GC: variants seen among roughly 807,000 people sequenced by gnomAD.
The protein encoded by GC is GC vitamin D binding protein, also known as vitamin D-binding protein.
Under a neutral mutation model 56.7 loss-of-function variants are expected in GC, and 43 were observed. The observed-to-expected ratio is 0.76, with a 90% confidence interval of 0.59 to 0.98. GC has a LOEUF of 0.98. GC is among the 50% of genes least tolerant of loss of function. The pLI, the probability that GC is intolerant of heterozygous loss-of-function variation, is 0.00. For missense variants in GC, 529 were observed against 545.9 expected (o/e 0.97, Z 0.31); for synonymous variants, 216 against 202.7 (o/e 1.07, Z -0.56).
chr4:71,765,822 T>G (rs1333525597), intron 3 of GC, among the ~76,000 whole-genome samples, 179 bp from the exon 4 acceptor site: 1 of 152,188 alleles, frequency 6.6e-6, no homozygotes, highest in Admixed American at 6.5e-5. Flanking sequence ...TATCGGCAAG[T>G]ATAGGATCTT....
At chr4:71,758,020 A>T in intron 7 of GC, 22 bp downstream of exon 7, 1 of 1,607,344 alleles carries the variant, frequency 6.2e-7, no homozygotes, top group African/African-American at 1.3e-5. Flanking sequence ...CATGGTGATA[A>T]TGATAATAAA....
At chr4:71,771,403 T>C (rs1312131882) in intron 1 of GC, among the ~76,000 whole-genome samples, 1 of 152,050 alleles carries the variant, frequency 6.6e-6, no homozygotes, top group Non-Finnish European at 1.5e-5. Flanking sequence ...TCAGATTGCC[T>C]GTAGAGGAAG....
intron 1 of GC, among the ~76,000 whole-genome samples, chr4:71,780,039 G>A (rs925935687): frequency 6.6e-6 from 1 of 151,882 alleles, no homozygotes. Flanking sequence ...AACTGCAGTG[G>A]TTTATTTCCT....
At chr4:71,776,866 A>G (rs1178454203) in intron 1 of GC, among the ~76,000 whole-genome samples, 32 of 151,956 alleles carry the variant, frequency 2.1e-4, no homozygotes, top group Admixed American at 2.1e-3. Flanking sequence ...CTTAATGACT[A>G]CTGAAGTTAT....
chr4:71,751,917 A>T (rs1034936059), intron 11 of GC, among the ~76,000 whole-genome samples: 1 of 152,136 alleles, frequency 6.6e-6, no homozygotes, highest in African/African-American at 2.4e-5. Context: ...GTAATGAAAC[A>T]TTTATGTGAC....
rs1338897399 is a variant in GC, at chr4:71,781,487, A to AT, written c.58+2473dup. On this transcript the variant is annotated intron_variant, in intron 1 of 12. Transcript: ENST00000273951. ...AACAGTGTGTAACTTAAAACTGAGA[A>AT]TTTTTTTGCTGTAGTTTAATTTTAA... Among the ~76,000 whole-genome samples, 6 of 151,892 alleles carry AT rather than the reference A, an allele frequency of 4.0e-5. No individual in the cohort carries two copies. The East Asian group carries it at 9.7e-4, about 25-fold the overall frequency.
chr4:71,774,409 G>A lies in GC; in HGVS notation c.59-5009C>T, dbSNP rs1284282877. ...TTGTGACACTTACCAAAGTTCCAGA[G>A]GAAGCATTTTTTCTCCATGCATTTC... is the stretch of plus-strand genomic sequence containing the variant. On this transcript the variant is annotated intron_variant, in intron 1 of 12. Coordinates refer to ENST00000273951, the MANE Select transcript of GC (RefSeq NM_000583.4). Among the ~76,000 whole-genome samples, 7 of 152,060 alleles carry A rather than the reference G, an allele frequency of 4.6e-5. No homozygotes were observed. In the South Asian group the frequency reaches 1.5e-3, roughly 32 times the overall value.
intron 1 of GC, among the ~76,000 whole-genome samples, chr4:71,773,579 C>A (rs138851836): frequency 1.3e-5 from 2 of 151,998 alleles, no homozygotes; most frequent in Non-Finnish European, 2.9e-5. Context: ...TAAGATACTG[C>A]TTTGTTACAA....
In GC at chr4:71,752,625, A is replaced by G. The variant is rs1470266325; in HGVS notation, c.1288T>C (p.Leu430=). The change falls in exon 11 of 13, where the codon TTG becomes CTG. Residue 430 remains leucine (L), a synonymous_variant. Coordinates refer to ENST00000273951, the MANE Select transcript of GC (RefSeq NM_000583.4). Reference sequence around the variant, plus strand: ...AGTTCCGTGGGTGTGGCATCAGGCAATTTTGCTTTTAGTCGCTCTGCCAGT... The same window carrying G: ...AGTTCCGTGGGTGTGGCATCAGGCAGTTTTGCTTTTAGTCGCTCTGCCAGT... ...KKLAERLKAK[L]PDATPTELAK... is the part of the protein sequence containing the mutation. The G allele has an allele frequency of 6.2e-7, 1 of 1,613,254 alleles. No individual in the cohort carries two copies. Among genetic ancestry groups the G allele is most frequent in the Non-Finnish European group, 8.5e-7 (1 of 1,179,494 alleles).
chr4:71,790,819 G>C (rs982506562), intron 1 of GC, among the ~76,000 whole-genome samples: 1 of 151,560 alleles, frequency 6.6e-6, no homozygotes, highest in Non-Finnish European at 1.5e-5. Flanking sequence ...ACAATGTGCA[G>C]GTTAGTTACG....
At chr4:71,780,588 C>G (rs533994020) in intron 1 of GC, among the ~76,000 whole-genome samples, 18 of 152,106 alleles carry the variant, frequency 1.2e-4, no homozygotes, top group African/African-American at 4.3e-4. Flanking sequence ...TGAACAGACA[C>G]TTCTCAAAAG....
rs527492451 is a variant in GC, at chr4:71,768,627, G to A, written c.129-194C>T. ...ACTACAGGTGTGCACCAATACGCCC[G>A]GCTAATTTTTGTATTTTTAGTAGAG... On this transcript the variant is annotated intron_variant, in intron 2 of 12. Transcript: ENST00000273951. Among the ~76,000 whole-genome samples, 35 of 152,118 alleles carry A rather than the reference G, an allele frequency of 2.3e-4. No homozygotes were observed. The East Asian group carries it at 2.9e-3, about 13-fold the overall frequency.
intron 11 of GC, among the ~76,000 whole-genome samples, chr4:71,746,909 G>A (rs1560688561): frequency 6.8e-6 from 1 of 146,482 alleles, no homozygotes. Flanking sequence ...GTGAAGCACT[G>A]TGGGCAGACT....
intron 7 of GC, 100 bp from the exon 8 acceptor site, chr4:71,757,014 A>G: frequency 1.2e-6 from 1 of 804,290 alleles, no homozygotes; most frequent in African/African-American, 1.7e-5. Context: ...CACATTTATG[A>G]AAGTCAGTAT....
intron 1 of GC, among the ~76,000 whole-genome samples, chr4:71,789,735 C>G (rs370641524): frequency 6.6e-6 from 1 of 151,846 alleles, no homozygotes; most frequent in African/African-American, 2.4e-5. Context: ...AATCAGTTTA[C>G]TTTAAAATAC....
At chr4:71,793,580 A>G (rs571267053) in intron 1 of GC, among the ~76,000 whole-genome samples, 4 of 152,332 alleles carry the variant, frequency 2.6e-5, no homozygotes, top group Admixed American at 6.5e-5. Context: ...TTTTCTAAAT[A>G]TACAATCATG....
At chr4:71,765,026 G>T (rs990745106) in intron 4 of GC, among the ~76,000 whole-genome samples, 1 of 152,132 alleles carries the variant, frequency 6.6e-6, no homozygotes, top group Non-Finnish European at 1.5e-5. Flanking sequence ...GAAGAGAGAA[G>T]CTGTTTATTT....
chr4:71,758,272 T>C, intron 6 of GC, 101 bp from the exon 7 acceptor site: 1 of 1,043,354 alleles, frequency 9.6e-7, no homozygotes, highest in Non-Finnish European at 1.4e-6. Flanking sequence ...CAATTTCACC[T>C]CCTTGGCCTC....
chr4:71,754,998 T>C lies in GC; in HGVS notation c.1144A>G (p.Thr382Ala). 6.3e-7 allele frequency: 1 copy of C among 1,594,216 alleles called. No individual in the cohort carries two copies. Among genetic ancestry groups the C allele is most frequent in the Non-Finnish European group, 8.5e-7 (1 of 1,173,152 alleles). Residue 382 changes from threonine to alanine, a missense_variant, in exon 9 of 13, where the codon ACT becomes GCT. Coordinates refer to ENST00000273951, the MANE Select transcript of GC (RefSeq NM_000583.4). ...LGECCDVEDS[T>A]TCFNAKGPLL... ...TATACCTTAGCATTAAAACAGGTAG[T>C]TGAGTCTTCAACATCACAGCATTCA...
Sources: gnomAD v4.1 joint callset for allele counts (sites outside exome capture counted in the v4.1 genomes callset) on GRCh38, gnomAD v4.1.1 for gene constraint, MANE v1.5 for transcripts, NCBI Gene and HGNC (gene_info 2026-07-23, HGNC 2026-07-21) for gene names.